PIK3CA: variants seen among roughly 807,000 people sequenced by gnomAD.
The protein encoded by PIK3CA is phosphatidylinositol 4,5-bisphosphate 3-kinase catalytic subunit alpha isoform.
A neutral mutation model predicts 138.2 loss-of-function variants in PIK3CA; 27 were observed. That is an observed-to-expected ratio of 0.20 (90% CI 0.14 to 0.27). PIK3CA has a LOEUF of 0.27. PIK3CA is among the 10% of genes least tolerant of loss of function. PIK3CA has a pLI of 1.00. For missense variants in PIK3CA, 544 were observed against 1,277.4 expected (o/e 0.43, Z 8.75); for synonymous variants, 358 against 413.2 (o/e 0.87, Z 1.62).
intron 4 of PIK3CA, 82 bp from the exon 5 acceptor site, chr3:179,203,462 T>A: frequency 7.5e-7 from 1 of 1,325,178 alleles, no homozygotes; most frequent in East Asian, 2.3e-5. Context: ...TGCAGATTAA[T>A]ATGTAGTCAT....
chr3:179,174,826 A>G (rs1723655409), intron 1 of PIK3CA, among the ~76,000 whole-genome samples: 1 of 152,056 alleles, frequency 6.6e-6, no homozygotes, highest in Non-Finnish European at 1.5e-5. Flanking sequence ...TTCTGTTACA[A>G]CTTTCTTGTT....
Position 179,201,429 on chromosome 3 carries a change from A to G in PIK3CA, c.702A>G (p.Leu234=), listed in dbSNP as rs901534311. The stretch of plus-strand genomic sequence containing the variant: ...GGAAAAAAACTCGAAGTATGTTGCT[A>G]TCCTCTGAACAACTAAAACTCTGTG... ...AIRKKTRSML[L]SSEQLKLCVL... The change falls in exon 4 of 21, where the codon CTA becomes CTG. Residue 234 remains leucine (L), a synonymous_variant. Transcript: ENST00000263967. 2 of 1,613,772 alleles carry G rather than the reference A, an allele frequency of 1.2e-6. No individual in the cohort carries two copies. Among genetic ancestry groups the G allele is most frequent in the Admixed American group, 3.3e-5 (2 of 59,984 alleles).
At chr3:179,216,468 G>A (rs531614110) in intron 9 of PIK3CA, among the ~76,000 whole-genome samples, 3 of 152,032 alleles carry the variant, frequency 2.0e-5, no homozygotes, top group East Asian at 1.9e-4. Context: ...GACAAATGCC[G>A]AAGGTAGCTG....
chr3:179,190,795 G>A (rs995393741), intron 1 of PIK3CA, among the ~76,000 whole-genome samples: 5 of 152,190 alleles, frequency 3.3e-5, no homozygotes, highest in African/African-American at 1.2e-4. Flanking sequence ...ATGCATAGGG[G>A]TCCTACAAAG....
intron 1 of PIK3CA, among the ~76,000 whole-genome samples, chr3:179,164,869 T>TA (rs111770110): frequency 0.021 from 3,079 of 145,736 alleles, 110 homozygotes; most frequent in African/African-American, 0.071. Context: ...AACTCTGTCT[T>TA]AAAAAAAAAA....
chr3:179,228,863 G>A (rs1725147743), intron 17 of PIK3CA, among the ~76,000 whole-genome samples: 1 of 151,860 alleles, frequency 6.6e-6, no homozygotes, highest in Admixed American at 6.6e-5. Context: ...AAGCTCTTTG[G>A]AGTCCTCAGT....
intron 3 of PIK3CA, 28 bp downstream of exon 3, chr3:179,199,927 C>G (rs2108388065): frequency 7.5e-7 from 1 of 1,337,918 alleles, no homozygotes; most frequent in Non-Finnish European, 1.1e-6. Context: ...CTACTCTAAT[C>G]ATTACTATAG....
At chr3:179,189,282 T>C (rs893716411) in intron 1 of PIK3CA, among the ~76,000 whole-genome samples, 10 of 152,162 alleles carry the variant, frequency 6.6e-5, no homozygotes, top group African/African-American at 2.2e-4. Context: ...TAAATTCATA[T>C]TTACAGTGCT....
intron 20 of PIK3CA, chr3:179,233,228 A>G (rs1004833924): frequency 6.0e-5 from 24 of 397,584 alleles, no homozygotes; most frequent in Middle Eastern, 1.2e-3. Context: ...GTAAACAGCT[A>G]TAGTTTGACT....
At position 179,229,441 on chromosome 3, in the gene PIK3CA, A is replaced by G; in HGVS notation, c.2665A>G (p.Ile889Val). ...GCTCAAAGACAAGAACAAAGGAGAA[A>G]TGTGAGTTGTATTATTCTTTCTTCC... ...QWLKDKNKGE[I>V]YDAAIDLFTR... The change falls in exon 18 of 21, where the codon ATA becomes GTA. Residue 889 changes from isoleucine (I) to valine (V), a missense_variant and splice_region_variant. Physicochemically the swap from Ile to Val is conservative, Grantham distance 29. Coordinates refer to ENST00000263967, the MANE Select transcript of PIK3CA (RefSeq NM_006218.4). 1 of 1,608,774 alleles carries G rather than the reference A, an allele frequency of 6.2e-7. No individual in the cohort carries two copies. The highest frequency in any genetic ancestry group is 8.5e-7 in the Non-Finnish European group (1 of 1,177,728).
intron 18 of PIK3CA, 122 bp from the exon 19 acceptor site, chr3:179,229,882 C>T (rs188166989): frequency 3.2e-6 from 2 of 616,944 alleles, no homozygotes; most frequent in African/African-American, 3.8e-5. Context: ...ACATAATTTC[C>T]TTATTCGTTG....
intron 1 of PIK3CA, among the ~76,000 whole-genome samples, chr3:179,156,242 C>T (rs560985361): frequency 4.7e-4 from 72 of 152,084 alleles, no homozygotes; most frequent in African/African-American, 1.7e-3. Context: ...TTTTTGAAAC[C>T]GTTAGTGACT....
At chr3:179,198,418 T>A (rs575101072) in intron 1 of PIK3CA, among the ~76,000 whole-genome samples, 1 of 152,354 alleles carries the variant, frequency 6.6e-6, no homozygotes, top group East Asian at 1.9e-4. Flanking sequence ...AATGGGAATT[T>A]TGGGTTGAAT....
At chr3:179,190,103 T>G (rs1724090069) in intron 1 of PIK3CA, among the ~76,000 whole-genome samples, 1 of 152,210 alleles carries the variant, frequency 6.6e-6, no homozygotes, top group African/African-American at 2.4e-5. Context: ...ATTACGCTTC[T>G]TAGCCCTCAA....
At chr3:179,202,559 A>G (rs1367336033) in intron 4 of PIK3CA, among the ~76,000 whole-genome samples, 1 of 152,236 alleles carries the variant, frequency 6.6e-6, no homozygotes, top group East Asian at 1.9e-4. Flanking sequence ...ACTAATTTAC[A>G]TAACCAAGTA....
rs1355491516 is a variant in PIK3CA, at chr3:179,235,767, A to G, written c.*1403A>G. 1.9e-5 allele frequency: 4 copies of G among 212,046 alleles called. No homozygotes were observed. Among genetic ancestry groups the G allele is most frequent in the Non-Finnish European group, 3.8e-5 (4 of 104,580 alleles). The allele number at this position is 212,046 out of a possible 1,614,324, so 13.1% of individuals were successfully genotyped here. A position where few individuals can be genotyped will look rare whatever the true frequency, so the allele number is the denominator to read the frequency against. ...AAGTAGAACATTAAACCATTTTAAG[A>G]TATGTCTCATTCCCAAGTAGTCAGA... On this transcript the variant is annotated 3_prime_UTR_variant, in exon 21 of 21. Transcript: ENST00000263967.
At chr3:179,171,275 T>A (rs1334145090) in intron 1 of PIK3CA, among the ~76,000 whole-genome samples, 1 of 152,118 alleles carries the variant, frequency 6.6e-6, no homozygotes. Context: ...TAAGAAAATA[T>A]TTGGTATGTA....
At chr3:179,178,683 TGTC>T (rs1723765231) in intron 1 of PIK3CA, among the ~76,000 whole-genome samples, 1 of 152,190 alleles carries the variant, frequency 6.6e-6, no homozygotes. Context: ...CTCAGCATGA[TGTC>T]GTACTCATGG....
intron 9 of PIK3CA, among the ~76,000 whole-genome samples, chr3:179,217,965 T>A (rs1425405807): frequency 6.6e-6 from 1 of 152,084 alleles, no homozygotes; most frequent in Non-Finnish European, 1.5e-5. Context: ...CAGTTACTAT[T>A]CTGTGACTGG....
Sources: allele counts gnomAD v4.1 joint callset (sites outside exome capture counted in the v4.1 genomes callset), GRCh38; gene constraint gnomAD v4.1.1; transcripts MANE v1.5; gene names NCBI Gene and HGNC (gene_info 2026-07-23, HGNC 2026-07-21).